The following ADGRG1 variants were observed in gnomAD, a reference collection of about 807,000 sequenced individuals.
The protein encoded by ADGRG1 is 7-transmembrane protein with no EGF-like N-terminal domains-1.
In ADGRG1, 53 loss-of-function variants were observed where a neutral mutation model predicts 73.5. That is an observed-to-expected ratio of 0.72 (90% CI 0.58 to 0.91). The LOEUF (loss-of-function observed/expected upper bound fraction) is 0.91, where lower values mean the gene tolerates loss of function less well. Among genes scored for constraint, ADGRG1 ranks in the 40% least tolerant of loss-of-function variants. The pLI, the probability that ADGRG1 is intolerant of heterozygous loss-of-function variation, is 0.00. For synonymous variants in ADGRG1, 394 were observed against 374.4 expected (o/e 1.05, Z -0.60); for missense variants, 795 against 871.8 (o/e 0.91, Z 1.11).
chr16:57,625,632 C>T, upstream of ADGRG1: 2 of 983,552 alleles, frequency 2.0e-6, no homozygotes, highest in African/African-American at 1.7e-5. Context: ...TTCTGGAATC[C>T]CCTGGGCATC....
rs369764673 is a variant in ADGRG1 at position 57,644,629 on chromosome 16, T to C, written c.-35-5624T>C. 8.1e-3 allele frequency among the ~76,000 whole-genome samples: 1,130 copies of C among 139,646 alleles called. 15 individuals carry two copies. The highest frequency in any genetic ancestry group is 0.03 in the African/African-American group (1,082 of 36,610). 91.6% of individuals were successfully genotyped at this position (139,646 alleles called of 152,430 possible). The stretch of plus-strand genomic sequence containing the variant: ...GGGCACACACCCATGCGCACACACA[T>C]GCACACTCATGCATGGGCACGCACA... On this transcript the variant is annotated intron_variant, in intron 1 of 13. Transcript: ENST00000562631.
upstream of ADGRG1, chr16:57,624,819 C>A: frequency 2.1e-6 from 1 of 480,940 alleles, no homozygotes; most frequent in Non-Finnish European, 2.7e-6. Flanking sequence ...CCTTTGCAGG[C>A]CCCTCTGAAT....
At chr16:57,630,897 T>C (rs560098450) in intron 1 of ADGRG1, 1 of 933,986 alleles carries the variant, frequency 1.1e-6, no homozygotes, top group South Asian at 4.9e-5. Context: ...ACGGGGAGGG[T>C]GATACCGGAC....
At chr16:57,656,669 T>A in intron 9 of ADGRG1, 52 bp downstream of exon 9, 2 of 1,068,702 alleles carry the variant, frequency 1.9e-6, no homozygotes, top group Non-Finnish European at 2.9e-6. Flanking sequence ...GTGTGCTTGT[T>A]CTGTGCAAGC....
At chr16:57,623,238 G>A (rs534422450), upstream of ADGRG1, 290 of 985,204 alleles carry the variant, frequency 2.9e-4, 1 homozygote, top group African/African-American at 4.6e-3. Flanking sequence ...AGAACCTTCC[G>A]GGGGTGGGGT....
At position 57,663,410 on chromosome 16, in the gene ADGRG1, G is replaced by A. The variant is rs748190184; in HGVS notation, c.1934-42G>A. The stretch of plus-strand genomic sequence containing the variant: ...GGGAGGGAGGAGGAGGGATGGGGTG[G>A]GGCTCCCCCACCTGCTGACCCCGTG... On this transcript the variant is annotated intron_variant, in intron 13 of 13. Transcript: ENST00000562631. 3.2e-5 allele frequency: 51 copies of A among 1,610,880 alleles called. No individual in the cohort carries two copies. The Admixed American group carries it at 8.2e-4, about 26-fold the overall frequency.
chr16:57,621,915 G>T, intron 2 of ADGRG1: 2 of 974,350 alleles, frequency 2.1e-6, no homozygotes, highest in Non-Finnish European at 2.4e-6. Context: ...TTCTACAGAG[G>T]AGTCAGAGGC....
intron 1 of ADGRG1, chr16:57,630,492 C>A: frequency 1.0e-6 from 1 of 985,630 alleles, no homozygotes; most frequent in Non-Finnish European, 1.2e-6. Flanking sequence ...TAGGGGTGAT[C>A]ACAGCTGCCC....
intron 1 of ADGRG1, among the ~76,000 whole-genome samples, chr16:57,649,811 T>A (rs2043593404): frequency 6.6e-6 from 1 of 151,458 alleles, no homozygotes; most frequent in South Asian, 2.1e-4. Context: ...AGGGTCTCAC[T>A]CTGTCACCCA....
rs758388201 is a variant in ADGRG1 at position 57,651,640 on chromosome 16, C to T, written c.487+18C>T. 1.9e-5 allele frequency: 31 copies of T among 1,610,442 alleles called. No individual in the cohort carries two copies. Among genetic ancestry groups the T allele is most frequent in the South Asian group, 1.7e-4 (15 of 90,700 alleles). The stretch of plus-strand genomic sequence containing the variant: ...CTTCCACAGTAAGGCAACTTCCAGG[C>T]GGAGGGAACAACTGGGCAGTGGTCT... On this transcript the variant is annotated intron_variant, in intron 3 of 13. Coordinates refer to ENST00000562631, the MANE Select transcript of ADGRG1 (RefSeq NM_201525.4).
Position 57,664,097 on chromosome 16 carries a change from G to T in ADGRG1, c.*515G>T. 1 of 164,638 alleles carries T rather than the reference G, an allele frequency of 6.1e-6. No homozygotes were observed. The highest frequency in any genetic ancestry group is 1.3e-5 in the Non-Finnish European group (1 of 75,492). The allele number at this position is 164,638 out of a possible 1,614,324, so 10.2% of individuals were successfully genotyped here. On this transcript the variant is annotated 3_prime_UTR_variant, in exon 14 of 14. Transcript: ENST00000562631. ...CCCAGGGCAGACCTTCAGGGCCAGA[G>T]CCCTGGCGGAGGAGAGGCCCTTTGC...
rs1597546869 is a variant in ADGRG1 at position 57,655,320 on chromosome 16, T to G, written c.769-79T>G. ...GTGGCAGCGTCCAGGAACGGATGGG[T>G]GTGTGTGTGTGTGTGCTAGGGTGGG... On this transcript the variant is annotated intron_variant, in intron 5 of 13. Transcript: ENST00000562631. 1.3e-5 allele frequency: 11 copies of G among 855,730 alleles called. No individual in the cohort carries two copies. The East Asian group carries it at 1.5e-4, about 12-fold the overall frequency. 53.0% of individuals were successfully genotyped at this position (855,730 alleles called of 1,614,324 possible).
intron 4 of ADGRG1, chr16:57,653,538 A>T: frequency 1.0e-6 from 1 of 985,288 alleles, no homozygotes; most frequent in Non-Finnish European, 1.2e-6. Context: ...AACCAACATC[A>T]CATCCACCAT....
intron 7 of ADGRG1, 78 bp downstream of exon 7, chr16:57,656,070 T>C: frequency 1.2e-6 from 2 of 1,613,232 alleles, no homozygotes; most frequent in Non-Finnish European, 1.7e-6. Context: ...TCCAGACTCA[T>C]TTGTCTTTAT....
chr16:57,639,278 C>T, intron 1 of ADGRG1: 1 of 985,522 alleles, frequency 1.0e-6, no homozygotes, highest in Non-Finnish European at 1.2e-6. Flanking sequence ...CTGGCCTGGG[C>T]AGCGTCTGAG....
In ADGRG1 at chr16:57,652,935, T is replaced by TG. The variant is rs1242159643; in HGVS notation, c.488-268_488-267insG. 9.8e-6 allele frequency: 13 copies of TG among 1,325,142 alleles called. No individual in the cohort carries two copies. The Admixed American group carries it at 4.2e-4, about 43-fold the overall frequency. The allele number at this position is 1,325,142 out of a possible 1,614,324, so 82.1% of individuals were successfully genotyped here. On this transcript the variant is annotated intron_variant, in intron 3 of 13. Coordinates refer to ENST00000562631, the MANE Select transcript of ADGRG1 (RefSeq NM_201525.4). ...TGCTCCGTGTGTGTAGCCGAAGGTG[T>TG]CTGCGGAGGGTGCTGAGCAAGGCAC...
upstream of ADGRG1, chr16:57,620,272 C>A (rs1288194508): frequency 2.6e-5 from 4 of 152,508 alleles, no homozygotes; most frequent in Non-Finnish European, 5.9e-5. Context: ...TGGCCCTTGG[C>A]CTGTTCAGGG....
intron 1 of ADGRG1, chr16:57,639,342 G>A: frequency 1.0e-6 from 1 of 985,506 alleles, no homozygotes; most frequent in South Asian, 4.7e-5. Context: ...TGCTGGGTCT[G>A]AGCCGGGGTG....
intron 5 of ADGRG1, among the ~76,000 whole-genome samples, chr16:57,654,715 A>G (rs905351871): frequency 6.6e-6 from 1 of 152,078 alleles, no homozygotes; most frequent in Non-Finnish European, 1.5e-5. Context: ...CCCTGTCTCT[A>G]CTAAAAATAT....
Sources: allele counts gnomAD v4.1 joint callset (sites outside exome capture counted in the v4.1 genomes callset), GRCh38; gene constraint gnomAD v4.1.1; transcripts MANE v1.5; gene names NCBI Gene and HGNC (gene_info 2026-07-23, HGNC 2026-07-21).